Variants in TOX2 observed in about 807,000 individuals in gnomAD.
TOX2 encodes granulosa cell HMG box 1.
A neutral mutation model predicts 47.4 loss-of-function variants in TOX2; 15 were observed. The observed-to-expected ratio is 0.32, with a 90% CI of 0.21 to 0.49. The LOEUF (loss-of-function observed/expected upper bound fraction) is 0.49. TOX2 is among the 20% of genes least tolerant of loss of function. The pLI, the probability that TOX2 is intolerant of heterozygous loss-of-function variation, is 0.99. For synonymous variants in TOX2, 290 were observed against 296.6 expected (o/e 0.98, Z 0.23); for missense variants, 622 against 673.1 (o/e 0.92, Z 0.84).
At chr20:43,939,788 T>C (rs2069377623) in intron 1 of TOX2, among the ~76,000 whole-genome samples, 1 of 152,138 alleles carries the variant, frequency 6.6e-6, no homozygotes, top group Admixed American at 6.5e-5. Flanking sequence ...TGTCTAAGGA[T>C]TAAAGAGATG....
intron 2 of TOX2, among the ~76,000 whole-genome samples, chr20:43,987,143 T>C (rs143519108): frequency 1.1e-3 from 173 of 152,284 alleles, no homozygotes; most frequent in African/African-American, 4.0e-3. Context: ...GTAGACTGGA[T>C]ACATGATTCT....
chr20:44,056,690 TTTAC>T (rs1351322845), intron 5 of TOX2, among the ~76,000 whole-genome samples: 1 of 152,170 alleles, frequency 6.6e-6, no homozygotes, highest in Non-Finnish European at 1.5e-5. Context: ...AATGCGTTCT[TTTAC>T]TTAATGCGTT....
intron 2 of TOX2, among the ~76,000 whole-genome samples, chr20:43,999,034 AC>A (rs773264718): frequency 2.6e-5 from 4 of 152,164 alleles, no homozygotes; most frequent in Non-Finnish European, 4.4e-5. Flanking sequence ...TTCTCGGATT[AC>A]AGGCGTGCGC....
At chr20:44,008,572 AT>A (rs1432318524) in intron 3 of TOX2, among the ~76,000 whole-genome samples, 3 of 143,960 alleles carry the variant, frequency 2.1e-5, no homozygotes, top group South Asian at 2.2e-4. Context: ...AAAAAAAAAA[AT>A]AATAATGGCT....
intron 2 of TOX2, among the ~76,000 whole-genome samples, chr20:43,982,762 G>A (rs2070190422): frequency 6.6e-6 from 1 of 151,870 alleles, no homozygotes; most frequent in South Asian, 2.1e-4. Context: ...GGGGCTGGAT[G>A]CTGATGGGGC....
chr20:43,938,216 T>G (rs1448621879), intron 1 of TOX2, among the ~76,000 whole-genome samples: 3 of 152,156 alleles, frequency 2.0e-5, no homozygotes, highest in African/African-American at 7.2e-5. Context: ...AACCGGGATA[T>G]GTCATGTGGA....
intron 1 of TOX2, among the ~76,000 whole-genome samples, chr20:43,956,852 A>G (rs1315898258): frequency 6.6e-6 from 1 of 151,534 alleles, no homozygotes; most frequent in Non-Finnish European, 1.5e-5. Context: ...TCCCTTCCAT[A>G]TTTGTTTCTT....
chr20:44,010,767 T>C (rs1323027025), intron 3 of TOX2, among the ~76,000 whole-genome samples: 1 of 152,120 alleles, frequency 6.6e-6, no homozygotes, highest in Non-Finnish European at 1.5e-5. Flanking sequence ...AATAGTATCA[T>C]GAAGGGATGG....
At chr20:43,974,333 C>G (rs2070033953) in intron 2 of TOX2, among the ~76,000 whole-genome samples, 1 of 150,376 alleles carries the variant, frequency 6.6e-6, no homozygotes, top group African/African-American at 2.4e-5. Flanking sequence ...AGGCGGGGGC[C>G]CCAGGGAGAG....
chr20:43,967,528 A>G (rs2069879202), intron 1 of TOX2, among the ~76,000 whole-genome samples: 3 of 151,882 alleles, frequency 2.0e-5, no homozygotes, highest in Non-Finnish European at 2.9e-5. Flanking sequence ...CATCTCACCC[A>G]TCCATGTTCA....
At chr20:43,923,869 G>A (rs1360743505) in intron 1 of TOX2, among the ~76,000 whole-genome samples, 3 of 152,196 alleles carry the variant, frequency 2.0e-5, no homozygotes, top group African/African-American at 7.2e-5. Context: ...GGAGAAGCTG[G>A]CCTGGCCTGA....
intron 3 of TOX2, among the ~76,000 whole-genome samples, chr20:44,033,832 A>G (rs1277318634): frequency 6.6e-6 from 1 of 152,068 alleles, no homozygotes; most frequent in Non-Finnish European, 1.5e-5. Context: ...CTGCAACGGA[A>G]GGAATTTTTA....
intron 1 of TOX2, among the ~76,000 whole-genome samples, chr20:43,962,773 A>C (rs1181084202): frequency 6.6e-6 from 1 of 152,200 alleles, no homozygotes; most frequent in African/African-American, 2.4e-5. Context: ...GCAGATAATG[A>C]CTAGGGCAGT....
chr20:43,992,273 G>A (rs977357616), intron 2 of TOX2, among the ~76,000 whole-genome samples: 1 of 152,180 alleles, frequency 6.6e-6, no homozygotes, highest in Non-Finnish European at 1.5e-5. Context: ...ATGGTCAAGA[G>A]CAGCTCCCAA....
At chr20:44,040,123 G>C (rs1047344744) in intron 3 of TOX2, among the ~76,000 whole-genome samples, 7 of 152,210 alleles carry the variant, frequency 4.6e-5, no homozygotes, top group Admixed American at 1.3e-4. Flanking sequence ...CACCACTTCT[G>C]TGTCCCTCTC....
intron 3 of TOX2, among the ~76,000 whole-genome samples, chr20:44,013,515 C>T (rs1450174031): frequency 6.6e-6 from 1 of 152,374 alleles, no homozygotes; most frequent in East Asian, 1.9e-4. Flanking sequence ...TAGTCCAACC[C>T]ATTCATTTCA....
At chr20:43,986,993 G>A (rs1430846086) in intron 2 of TOX2, among the ~76,000 whole-genome samples, 2 of 152,172 alleles carry the variant, frequency 1.3e-5, no homozygotes, top group Non-Finnish European at 2.9e-5. Context: ...GAGCCCTGGA[G>A]GTTGAGGCTG....
At chr20:44,011,719 T>A (rs565612030) in intron 3 of TOX2, among the ~76,000 whole-genome samples, 1 of 152,220 alleles carries the variant, frequency 6.6e-6, no homozygotes, top group African/African-American at 2.4e-5. Flanking sequence ...CAGATCGAGA[T>A]ACACTGAGGA....
intron 3 of TOX2, chr20:44,007,572 A>G (rs972318175): frequency 1.3e-5 from 2 of 152,394 alleles, no homozygotes; most frequent in Non-Finnish European, 2.9e-5. Context: ...GTTGCCGGGC[A>G]TGGTGGCTCA....
Sources: gnomAD v4.1 joint callset for allele counts (sites outside exome capture counted in the v4.1 genomes callset) on GRCh38, gnomAD v4.1.1 for gene constraint, MANE v1.5 for transcripts, NCBI Gene and HGNC (gene_info 2026-07-23, HGNC 2026-07-21) for gene names.